MARCHF10: variants seen among roughly 807,000 people sequenced by gnomAD.
The protein encoded by MARCHF10 is probable E3 ubiquitin-protein ligase MARCHF10.
A neutral mutation model predicts 76.2 loss-of-function variants in MARCHF10; 64 were observed. The observed-to-expected ratio is 0.84, with a 90% confidence interval of 0.69 to 1.03. The LOEUF is 1.03. Among genes scored for constraint, MARCHF10 ranks in the 50% least tolerant of loss-of-function variants. MARCHF10 has a pLI of 0.00. For missense variants in MARCHF10, 875 were observed against 958.0 expected (o/e 0.91, Z 1.14); for synonymous variants, 340 against 357.5 (o/e 0.95, Z 0.55).
At chr17:62,780,762 C>T (rs1020803412) in intron 3 of MARCHF10, among the ~76,000 whole-genome samples, 6 of 152,164 alleles carry the variant, frequency 3.9e-5, no homozygotes, top group African/African-American at 1.4e-4. Flanking sequence ...GCATTTGGAA[C>T]GACGTCCTTT....
intron 3 of MARCHF10, among the ~76,000 whole-genome samples, chr17:62,765,707 A>G (rs1036138664): frequency 1.3e-5 from 2 of 152,110 alleles, no homozygotes; most frequent in Non-Finnish European, 2.9e-5. Context: ...CGTGCTAGGT[A>G]CTTCTTATGA....
chr17:62,793,051 GCCTCCATCACTACCAACA>G (rs1310425302), intron 2 of MARCHF10, among the ~76,000 whole-genome samples: 58 of 88,148 alleles, frequency 6.6e-4, no homozygotes, highest in Non-Finnish European at 1.1e-3. Context: ...TACCACCAAC[GCCTCCATCACTACCAACA>G]CCTCCATCAC....
intron 5 of MARCHF10, among the ~76,000 whole-genome samples, chr17:62,743,174 G>A (rs933709874): frequency 1.3e-5 from 2 of 152,188 alleles, no homozygotes; most frequent in Non-Finnish European, 2.9e-5. Context: ...GGGAGGAAGA[G>A]CTGGCATTGG....
chr17:62,714,292 G>T, intron 8 of MARCHF10: 1 of 690,622 alleles, frequency 1.4e-6, no homozygotes, highest in Non-Finnish European at 1.8e-6. Context: ...CGGACACTGT[G>T]ACTTTAGGCA....
At chr17:62,766,911 A>C (rs2147989158) in intron 3 of MARCHF10, among the ~76,000 whole-genome samples, 1 of 152,356 alleles carries the variant, frequency 6.6e-6, no homozygotes, top group South Asian at 2.1e-4. Context: ...GTTCTGTTGC[A>C]CCCATTCTAA....
At chr17:62,743,319 T>C (rs1419274417) in intron 5 of MARCHF10, among the ~76,000 whole-genome samples, 1 of 152,192 alleles carries the variant, frequency 6.6e-6, no homozygotes, top group Non-Finnish European at 1.5e-5. Flanking sequence ...TTCTTCAATA[T>C]GTATATATGT....
chr17:62,779,958 G>A (rs951370930), intron 3 of MARCHF10, among the ~76,000 whole-genome samples: 3 of 152,210 alleles, frequency 2.0e-5, no homozygotes, highest in Non-Finnish European at 2.9e-5. Flanking sequence ...CTAGCTGGGC[G>A]TGGTGGCGGG....
At chr17:62,715,087 G>A (rs1296013579) in intron 8 of MARCHF10, among the ~76,000 whole-genome samples, 2 of 152,156 alleles carry the variant, frequency 1.3e-5, no homozygotes, top group Non-Finnish European at 2.9e-5. Flanking sequence ...TGATTCAGCT[G>A]GACTGGAGTG....
chr17:62,720,700 G>T (rs748282888), intron 8 of MARCHF10, among the ~76,000 whole-genome samples: 4 of 152,172 alleles, frequency 2.6e-5, no homozygotes, highest in Non-Finnish European at 5.9e-5. Flanking sequence ...TCACTGAAGT[G>T]TGGGGATACC....
intron 3 of MARCHF10, among the ~76,000 whole-genome samples, chr17:62,775,900 T>G (rs2092546717): frequency 6.6e-6 from 1 of 152,174 alleles, no homozygotes; most frequent in African/African-American, 2.4e-5. Context: ...CACTGCAGCC[T>G]TGAACCCCTG....
At chr17:62,769,504 G>A (rs1028860449) in intron 3 of MARCHF10, among the ~76,000 whole-genome samples, 6 of 152,028 alleles carry the variant, frequency 3.9e-5, no homozygotes, top group Non-Finnish European at 8.8e-5. Context: ...TGTAACCTCC[G>A]CCCTGCAGGT....
chr17:62,706,357 C>CT (rs2089589952), intron 9 of MARCHF10: 1 of 152,212 alleles, frequency 6.6e-6, no homozygotes, highest in South Asian at 2.1e-4. Context: ...GGGCTAGCCA[C>CT]TGCCTCCGTT....
At chr17:62,801,494 G>A in intron 2 of MARCHF10, 152 bp downstream of exon 2, 1 of 508,868 alleles carries the variant, frequency 2.0e-6, no homozygotes. Context: ...AGGATACAGA[G>A]AGGTGAAGTG....
rs144054058 is a variant in MARCHF10, at chr17:62,759,852, G to A, written c.365C>T (p.Pro122Leu). 8.9e-5 allele frequency: 143 copies of A among 1,613,818 alleles called. No homozygotes were observed. The African/African-American group carries it at 1.7e-3, about 19-fold the overall frequency. The change falls in exon 4 of 11, where the codon CCC becomes CTC. Residue 122 changes from proline (P) to leucine (L), a missense_variant. Physicochemically the swap from Pro to Leu is moderately conservative, Grantham distance 98 (BLOSUM62 -3). Coordinates refer to ENST00000311269, the MANE Select transcript of MARCHF10 (RefSeq NM_152598.4). ...CCACTCACCTGGAGAGGGTTCGCTG[G>A]GGTCCACTTTCTCTGCTTTCCTTAC... ...MTVRKAEKVDPSEPSPADQAP... is the reference protein window; with the variant it reads ...MTVRKAEKVDLSEPSPADQAP...
intron 8 of MARCHF10, among the ~76,000 whole-genome samples, chr17:62,720,004 C>T (rs1472406725): frequency 6.6e-6 from 1 of 152,166 alleles, no homozygotes; most frequent in Admixed American, 6.5e-5. Context: ...TAGAGTTTTT[C>T]ACCTCTATCA....
At chr17:62,742,818 G>T (rs2091564572) in intron 5 of MARCHF10, among the ~76,000 whole-genome samples, 1 of 151,530 alleles carries the variant, frequency 6.6e-6, no homozygotes, top group Admixed American at 6.6e-5. Context: ...TTTTTTTGGA[G>T]ATATGGGGTT....
intron 4 of MARCHF10, among the ~76,000 whole-genome samples, chr17:62,757,065 T>C (rs1299866781): frequency 6.6e-6 from 1 of 152,230 alleles, no homozygotes; most frequent in Admixed American, 6.5e-5. Flanking sequence ...AGAAAAATGC[T>C]TTTTTGATGA....
At chr17:62,782,726 G>T (rs1392512805) in intron 3 of MARCHF10, among the ~76,000 whole-genome samples, 1 of 152,104 alleles carries the variant, frequency 6.6e-6, no homozygotes, top group Non-Finnish European at 1.5e-5. Flanking sequence ...GATTTTGGGG[G>T]TTGAAGATTT....
Position 62,711,570 on chromosome 17 carries a change from C to T in MARCHF10, c.2215-226G>A, listed in dbSNP as rs144819273. Reference sequence around the variant, plus strand: ...TTTTTACTAGCTAGTGGAGGATGCTCGGAGAAAGTTCCATTTTCCAGGCTC... The same window carrying T: ...TTTTTACTAGCTAGTGGAGGATGCTTGGAGAAAGTTCCATTTTCCAGGCTC... On this transcript the variant is annotated intron_variant, in intron 8 of 10. Transcript: ENST00000311269. This position sits in a 1 kb window ranked among gnomAD's most constrained non-coding sequence, Gnocchi z 4.4. Among the ~76,000 whole-genome samples, 213 of 152,288 alleles carry T rather than the reference C, an allele frequency of 1.4e-3. 1 individual carries two copies. The highest frequency in any genetic ancestry group is 4.9e-3 in the African/African-American group (202 of 41,556).
Sources: gnomAD v4.1 joint callset for allele counts (sites outside exome capture counted in the v4.1 genomes callset) on GRCh38, gnomAD v4.1.1 for gene constraint, Gnocchi (gnomAD v3.1) non-coding constraint, MANE v1.5 for transcripts, NCBI Gene and HGNC (gene_info 2026-07-23, HGNC 2026-07-21) for gene names.